KCNMB2: variants seen among roughly 807,000 people sequenced by gnomAD.
KCNMB2 encodes the protein potassium calcium-activated channel subfamily M regulatory beta subunit 2, also known as calcium-activated potassium channel subunit beta-2.
A neutral mutation model predicts 24.5 loss-of-function variants in KCNMB2; 9 were observed. The ratio of observed to expected loss-of-function variants is 0.37; its 90% CI spans 0.22 to 0.64. KCNMB2 has a LOEUF of 0.64. Among genes scored for constraint, KCNMB2 ranks in the 30% least tolerant of loss-of-function variants. The probability of loss-of-function intolerance (pLI) is 0.63; values close to 1 mark genes in which losing one functional copy is unlikely to be tolerated. For missense variants in KCNMB2, 226 were observed against 284.3 expected, an observed-to-expected ratio of 0.79 and a Z score of 1.47; for synonymous variants, 109 against 104.4, an observed-to-expected ratio of 1.04 and a Z score of -0.27.
chr3:178,661,761 C>G (rs548110413), intron 1 of KCNMB2, among the ~76,000 whole-genome samples: 1 of 152,200 alleles, frequency 6.6e-6, no homozygotes, highest in Non-Finnish European at 1.5e-5. Context: ...GAATCAGAAT[C>G]AGACTTTTAA....
intron 1 of KCNMB2, among the ~76,000 whole-genome samples, chr3:178,546,720 C>T (rs1334853074): frequency 5.3e-5 from 8 of 152,200 alleles, no homozygotes; most frequent in Non-Finnish European, 1.0e-4. Flanking sequence ...ACAGGTCACA[C>T]GAATGAGTTT....
chr3:178,822,445 TG>T (rs1317950213), intron 2 of KCNMB2, among the ~76,000 whole-genome samples: 78 of 152,232 alleles, frequency 5.1e-4, no homozygotes, highest in African/African-American at 1.8e-3. Flanking sequence ...CACCCCACGC[TG>T]ATATTTATAT....
chr3:178,757,895 C>CCAAGAGGATACATATATATATA, intron 1 of KCNMB2, among the ~76,000 whole-genome samples: 1 of 111,854 alleles, frequency 8.9e-6, no homozygotes, highest in African/African-American at 3.4e-5. Context: ...ATATATATAT[C>CCAAGAGGATACATATATATATA]CAAGAGGATA....
intron 1 of KCNMB2, among the ~76,000 whole-genome samples, chr3:178,538,817 G>A (rs1376246530): frequency 6.6e-6 from 1 of 152,142 alleles, no homozygotes; most frequent in Admixed American, 6.6e-5. Context: ...GCCAAACCAA[G>A]TAATTTAGTC....
intron 1 of KCNMB2, among the ~76,000 whole-genome samples, chr3:178,538,168 T>C (rs935231785): frequency 1.3e-5 from 2 of 152,224 alleles, no homozygotes; most frequent in Admixed American, 6.5e-5. Context: ...TACAGTTTCC[T>C]GTTTGTTTTT....
chr3:178,725,012 G>T (rs900491225), intron 1 of KCNMB2, among the ~76,000 whole-genome samples: 9 of 151,886 alleles, frequency 5.9e-5, no homozygotes, highest in Non-Finnish European at 1.0e-4. Context: ...TTTTTGGTGA[G>T]AAATGAATTT....
At chr3:178,646,797 C>A in intron 1 of KCNMB2, among the ~76,000 whole-genome samples, 1 of 152,178 alleles carries the variant, frequency 6.6e-6, no homozygotes, top group Non-Finnish European at 1.5e-5. Flanking sequence ...TTATCCTCCA[C>A]TCAATAAGGA....
At chr3:178,704,247 C>T (rs184341298) in intron 1 of KCNMB2, among the ~76,000 whole-genome samples, 17 of 152,052 alleles carry the variant, frequency 1.1e-4, no homozygotes, top group East Asian at 7.7e-4. Context: ...TCAAACTCAT[C>T]GTGGCAGCTC....
intron 1 of KCNMB2, among the ~76,000 whole-genome samples, chr3:178,580,364 T>A (rs1717154482): frequency 6.6e-6 from 1 of 152,096 alleles, no homozygotes; most frequent in Admixed American, 6.6e-5. Flanking sequence ...ATTGATACAA[T>A]GTATCAAAAT....
At chr3:178,636,882 G>A (rs1719545277) in intron 1 of KCNMB2, among the ~76,000 whole-genome samples, 1 of 152,084 alleles carries the variant, frequency 6.6e-6, no homozygotes, top group South Asian at 2.1e-4. Context: ...AGACCACAGT[G>A]TGTGTTGTTC....
At chr3:178,703,387 T>C (rs1018897389) in intron 1 of KCNMB2, among the ~76,000 whole-genome samples, 5 of 152,116 alleles carry the variant, frequency 3.3e-5, no homozygotes, top group Admixed American at 6.5e-5. Context: ...AGTGGCTAGA[T>C]AAAGGGGAGA....
At chr3:178,839,741 A>G (rs1715360595) in intron 4 of KCNMB2, among the ~76,000 whole-genome samples, 1 of 152,132 alleles carries the variant, frequency 6.6e-6, no homozygotes, top group Non-Finnish European at 1.5e-5. Context: ...ACTCATTATC[A>G]TGAGAACAGC....
intron 4 of KCNMB2, among the ~76,000 whole-genome samples, chr3:178,834,405 A>G (rs1490727910): frequency 6.6e-6 from 1 of 152,212 alleles, no homozygotes; most frequent in Non-Finnish European, 1.5e-5. Flanking sequence ...GAGAATAAAG[A>G]CAAGAGTTCT....
intron 1 of KCNMB2, among the ~76,000 whole-genome samples, chr3:178,655,113 T>C (rs1295544132): frequency 6.7e-6 from 1 of 148,248 alleles, no homozygotes; most frequent in African/African-American, 2.6e-5. Context: ...TCTCTCTCTC[T>C]CTCTCTCTCT....
chr3:178,841,803 G>T (rs1347295778), intron 4 of KCNMB2, among the ~76,000 whole-genome samples: 1 of 152,126 alleles, frequency 6.6e-6, no homozygotes, highest in East Asian at 1.9e-4. Flanking sequence ...AGTGAGATTT[G>T]GGTGGAGACA....
chr3:178,762,165 C>A (rs142732716), intron 1 of KCNMB2, among the ~76,000 whole-genome samples: 17 of 151,452 alleles, frequency 1.1e-4, no homozygotes, highest in Non-Finnish European at 1.5e-4. Context: ...AGCGAGACTC[C>A]GTCTCAAAAA....
chr3:178,760,754 T>C (rs1246399458), intron 1 of KCNMB2, among the ~76,000 whole-genome samples: 7 of 151,834 alleles, frequency 4.6e-5, no homozygotes, highest in African/African-American at 1.7e-4. Flanking sequence ...AAACAGCAGA[T>C]TTAATAACAA....
intron 1 of KCNMB2, among the ~76,000 whole-genome samples, chr3:178,591,640 T>C (rs886375893): frequency 3.3e-5 from 5 of 152,148 alleles, no homozygotes; most frequent in Admixed American, 6.6e-5. Flanking sequence ...TGATGGTGTG[T>C]TTTTATAATC....
At chr3:178,817,228 A>ATATATATATATATATATAT (rs1553781212) in intron 2 of KCNMB2, among the ~76,000 whole-genome samples, 7 of 102,404 alleles carry the variant, frequency 6.8e-5, no homozygotes, top group African/African-American at 2.1e-4. Context: ...TATATATATA[A>ATATATATATATATATATAT]ATGAAGTGTG....
Sources: allele counts gnomAD v4.1 joint callset (sites outside exome capture counted in the v4.1 genomes callset), GRCh38; gene constraint gnomAD v4.1.1; transcripts MANE v1.5; gene names NCBI Gene and HGNC (gene_info 2026-07-23, HGNC 2026-07-21).